BASP1: variants seen among roughly 807,000 people sequenced by gnomAD.
BASP1 encodes brain abundant membrane attached signal protein 1.
A neutral mutation model predicts 2.2 loss-of-function variants in BASP1; 1 was observed. The observed-to-expected ratio is 0.46, with a 90% CI of 0.16 to 2.17. The LOEUF is 2.17. BASP1 is among the 30% of genes most tolerant of loss of function. The probability of loss-of-function intolerance (pLI) is 0.27; values close to 1 mark genes in which losing one functional copy is unlikely to be tolerated. For missense variants in BASP1, 352 were observed against 327.2 expected, an observed-to-expected ratio of 1.08 and a Z score of -0.58; for synonymous variants, 187 against 154.2, an observed-to-expected ratio of 1.21 and a Z score of -1.58.
intron 1 of BASP1, among the ~76,000 whole-genome samples, chr5:17,234,729 G>A (rs1048902905): frequency 2.0e-5 from 3 of 152,156 alleles, no homozygotes; most frequent in South Asian, 2.1e-4. Context: ...TAATTACAGC[G>A]AAGCAAATGT....
At chr5:17,262,972 G>A (rs369336267) in intron 1 of BASP1, among the ~76,000 whole-genome samples, 17 of 151,654 alleles carry the variant, frequency 1.1e-4, no homozygotes, top group Admixed American at 7.2e-4. Flanking sequence ...TCAGCCTCCC[G>A]AGTAACTGAG....
In BASP1 at chr5:17,276,632, TGAA is replaced by T. The variant is rs1740667423; in HGVS notation, c.*733_*735del. ...AGTTCTGTTTATTGGTCAGTGGAAA[TGAA>T]AAAAAAAAAAAAAAAAAGTCTGCGT... On this transcript the variant is annotated 3_prime_UTR_variant, in exon 2 of 2. Coordinates refer to ENST00000322611, the MANE Select transcript of BASP1 (RefSeq NM_006317.5). The T allele has an allele frequency of 7.8e-5, 1 of 12,798 alleles. No individual in the cohort carries two copies. The highest frequency in any genetic ancestry group is 2.4e-4 in the Non-Finnish European group (1 of 4,120). 0.8% of individuals were successfully genotyped at this position (12,798 alleles called of 1,614,324 possible).
rs1740674037 is a variant in BASP1 at position 17,276,739 on chromosome 5, CAAAAAAAAAA to C, written c.*840_*849del. 1 of 147,910 alleles carries C rather than the reference CAAAAAAAAAA, an allele frequency of 6.8e-6. No individual in the cohort carries two copies. Among genetic ancestry groups the C allele is most frequent in the Non-Finnish European group, 1.5e-5 (1 of 64,714 alleles). The allele number at this position is 147,910 out of a possible 1,614,324, so 9.2% of individuals were successfully genotyped here. ...CTCATTGGAAAATGGAAAAAAAAAA[CAAAAAAAAAA>C]CAAAAAAATGTACAATGGATGCATT... On this transcript the variant is annotated 3_prime_UTR_variant, in exon 2 of 2. Coordinates refer to ENST00000322611, the MANE Select transcript of BASP1 (RefSeq NM_006317.5).
intron 1 of BASP1, among the ~76,000 whole-genome samples, chr5:17,261,499 G>A (rs1740315361): frequency 6.6e-6 from 1 of 152,188 alleles, no homozygotes; most frequent in Admixed American, 6.5e-5. Flanking sequence ...TTTACTATGT[G>A]GAGATCTTGT....
In BASP1 at chr5:17,275,554, C is replaced by G; in HGVS notation, c.338C>G (p.Pro113Arg). 2.9e-6 allele frequency: 4 copies of G among 1,396,462 alleles called. No homozygotes were observed. The highest frequency in any genetic ancestry group is 3.7e-6 in the Non-Finnish European group (4 of 1,079,562). The allele number at this position is 1,396,462 out of a possible 1,614,324, so 86.5% of individuals were successfully genotyped here. Residue 113 changes from proline to arginine, a missense_variant, in exon 2 of 2, where the codon CCC becomes CGC. Coordinates refer to ENST00000322611, the MANE Select transcript of BASP1 (RefSeq NM_006317.5). This position sits in a 1 kb window ranked among gnomAD's most constrained non-coding sequence, Gnocchi z 5.3. ...APEQEQAAPG[P>R]AAGGEAPKAA... ...GAGCAGGAGCAGGCGGCCCCCGGCC[C>G]CGCTGCGGGCGGCGAGGCCCCCAAA...
At chr5:17,231,457 A>T (rs1468461620) in intron 1 of BASP1, among the ~76,000 whole-genome samples, 1 of 152,016 alleles carries the variant, frequency 6.6e-6, no homozygotes, top group Non-Finnish European at 1.5e-5. Flanking sequence ...CTAACTCTCC[A>T]TTAAACCTGG....
intron 1 of BASP1, among the ~76,000 whole-genome samples, chr5:17,218,519 C>T (rs1318914125): frequency 6.6e-6 from 1 of 152,126 alleles, no homozygotes; most frequent in African/African-American, 2.4e-5. Context: ...AACCCGTGGG[C>T]TGCCTCGGAG....
intron 1 of BASP1, among the ~76,000 whole-genome samples, chr5:17,255,108 G>A (rs553357890): frequency 1.3e-5 from 2 of 152,190 alleles, no homozygotes; most frequent in Admixed American, 6.5e-5. Flanking sequence ...TGGACCCATT[G>A]TTCCAAACAT....
intron 1 of BASP1, among the ~76,000 whole-genome samples, chr5:17,258,624 A>G (rs1217671469): frequency 2.0e-5 from 3 of 152,180 alleles, no homozygotes; most frequent in Non-Finnish European, 4.4e-5. Flanking sequence ...CTTTGTTCTG[A>G]GTCACATCAT....
At chr5:17,226,318 C>G (rs1739504118) in intron 1 of BASP1, among the ~76,000 whole-genome samples, 1 of 152,214 alleles carries the variant, frequency 6.6e-6, no homozygotes, top group African/African-American at 2.4e-5. Context: ...TAGATAAAAA[C>G]TTTTCCTGGT....
At position 17,275,983 on chromosome 5, in the gene BASP1, A is replaced by ATC; in HGVS notation, c.*86_*87dup. ...TCTCTCTCTCTCTATCTCTCTCTCT[A>ATC]TCTCCTCTCTCTCTCTCCTCTCCTA... is the stretch of plus-strand genomic sequence containing the variant. On this transcript the variant is annotated 3_prime_UTR_variant, in exon 2 of 2. Coordinates refer to ENST00000322611, the MANE Select transcript of BASP1 (RefSeq NM_006317.5). The surrounding 1 kb of genome is among the most constrained non-coding windows in gnomAD (Gnocchi z 5.3). 1.7e-6 allele frequency: 2 copies of ATC among 1,191,450 alleles called. No individual in the cohort carries two copies. Among genetic ancestry groups the ATC allele is most frequent in the Non-Finnish European group, 2.2e-6 (2 of 892,590 alleles). 73.8% of individuals were successfully genotyped at this position (1,191,450 alleles called of 1,614,324 possible).
At chr5:17,237,075 G>T (rs1192959595) in intron 1 of BASP1, among the ~76,000 whole-genome samples, 1 of 152,154 alleles carries the variant, frequency 6.6e-6, no homozygotes, top group East Asian at 1.9e-4. Flanking sequence ...GCTGGGCATG[G>T]TGGCTCACGC....
intron 1 of BASP1, among the ~76,000 whole-genome samples, chr5:17,239,561 C>T (rs1307283313): frequency 1.3e-5 from 2 of 152,112 alleles, no homozygotes; most frequent in Non-Finnish European, 2.9e-5. Context: ...CCACACTCAC[C>T]CTGGGGTCTT....
chr5:17,246,231 C>T (rs967970209), intron 1 of BASP1, among the ~76,000 whole-genome samples: 1 of 151,948 alleles, frequency 6.6e-6, no homozygotes, highest in African/African-American at 2.4e-5. Context: ...CCTGTAATCC[C>T]AGCACTTTGA....
intron 1 of BASP1, among the ~76,000 whole-genome samples, chr5:17,267,138 C>T (rs187095837): frequency 3.3e-5 from 5 of 152,280 alleles, no homozygotes; most frequent in Admixed American, 1.3e-4. Flanking sequence ...TACTTAGCAT[C>T]GCATAAAAGG....
chr5:17,271,027 C>G (rs973328066), intron 1 of BASP1, among the ~76,000 whole-genome samples: 1 of 152,214 alleles, frequency 6.6e-6, no homozygotes, highest in South Asian at 2.1e-4. Context: ...CCTCTCTCTA[C>G]TACTGTTTAT....
chr5:17,254,241 G>A (rs1740156870), intron 1 of BASP1, among the ~76,000 whole-genome samples: 1 of 151,986 alleles, frequency 6.6e-6, no homozygotes, highest in Non-Finnish European at 1.5e-5. Context: ...TCATTTATTT[G>A]TAATTGAAAA....
rs187966066 is a variant in BASP1 at position 17,272,876 on chromosome 5, G to A, written c.-9-2332G>A. ...TTTTAGTAACTCAGATTTTAGGTTTGTAACCCAACATGACTTTAAACCTCT... is the reference window on the plus strand; with the variant it reads ...TTTTAGTAACTCAGATTTTAGGTTTATAACCCAACATGACTTTAAACCTCT... On this transcript the variant is annotated intron_variant, in intron 1 of 1. Transcript: ENST00000322611. Among the ~76,000 whole-genome samples the A allele has an allele frequency of 3.9e-3, 599 of 152,306 alleles. 4 individuals carry two copies. Among genetic ancestry groups the A allele is most frequent in the African/African-American group, 0.014 (568 of 41,564 alleles).
intron 1 of BASP1, among the ~76,000 whole-genome samples, chr5:17,259,109 T>G (rs886619288): frequency 6.6e-6 from 1 of 152,158 alleles, no homozygotes; most frequent in Non-Finnish European, 1.5e-5. Flanking sequence ...GGACTTATAG[T>G]TCCACATGGC....
Sources: allele counts gnomAD v4.1 joint callset (sites outside exome capture counted in the v4.1 genomes callset), GRCh38; gene constraint gnomAD v4.1.1; non-coding constraint Gnocchi (gnomAD v3.1); transcripts MANE v1.5; gene names NCBI Gene and HGNC (gene_info 2026-07-23, HGNC 2026-07-21).